GNAO1: variants seen among roughly 807,000 people sequenced by gnomAD.
GNAO1 encodes guanine nucleotide-binding protein G(o) subunit alpha.
For missense variants in GNAO1, 166 were observed against 478.7 expected (o/e 0.35, Z 6.10); for synonymous variants, 164 against 180.7 (o/e 0.91, Z 0.74).
chr16:56,347,896 T>G, intron 6 of GNAO1: 2 of 905,990 alleles, frequency 2.2e-6, no homozygotes, highest in Non-Finnish European at 2.6e-6. Flanking sequence ...ACCCATCCCC[T>G]GGCTCTGCCC....
intron 1 of GNAO1, 94 bp from the exon 2 acceptor site, chr16:56,192,480 A>G (rs1596787636): frequency 1.3e-6 from 1 of 798,320 alleles, no homozygotes; most frequent in East Asian, 3.2e-5. Flanking sequence ...TGTGCCCAGG[A>G]TCGCCCACCC....
chr16:56,286,043 G>A (rs1383713579), intron 3 of GNAO1, among the ~76,000 whole-genome samples: 2 of 152,228 alleles, frequency 1.3e-5, no homozygotes, highest in African/African-American at 4.8e-5. Context: ...TGAGGCAGCA[G>A]CACCACGTGG....
rs761449625 is a variant in GNAO1, at chr16:56,334,807, A to G, written c.543A>G (p.Lys181=). The G allele has an allele frequency of 3.1e-6, 5 of 1,613,910 alleles. No homozygotes were observed. The African/African-American group carries it at 6.7e-5, about 22-fold the overall frequency. The change falls in exon 5 of 9, where the codon AAA becomes AAG. Residue 181 remains lysine, a synonymous_variant. Coordinates refer to ENST00000262493, the MANE Select transcript of GNAO1 (RefSeq NM_020988.3). ...TEQDILRTRV[K]TTGIVETHFT... ...AGGACATCCTCCGAACCAGGGTCAAAACCACTGGCATCGTAGAAACCCACT... is the reference window on the plus strand; with the variant it reads ...AGGACATCCTCCGAACCAGGGTCAAGACCACTGGCATCGTAGAAACCCACT...
chr16:56,218,422 G>A (rs865978128), intron 2 of GNAO1, among the ~76,000 whole-genome samples: 2 of 152,162 alleles, frequency 1.3e-5, no homozygotes, highest in Admixed American at 1.3e-4. Flanking sequence ...TGGAGCACAC[G>A]TGCCCTGCTG....
chr16:56,354,248 G>A lies in GNAO1; in HGVS notation c.878-618G>A, dbSNP rs73545906. Among the ~76,000 whole-genome samples, 16 of 152,384 alleles carry A rather than the reference G, an allele frequency of 1.0e-4. No individual in the cohort carries two copies. The highest frequency in any genetic ancestry group is 3.8e-4 in the African/African-American group (16 of 41,600). The stretch of plus-strand genomic sequence containing the variant: ...AAAGCGTTCATCTGTGGCCACTGCT[G>A]TCCCAGGCGGGGCTTCCGGGTGGAT... On this transcript the variant is annotated intron_variant, in intron 7 of 8. Transcript: ENST00000262493. This position sits in a 1 kb window ranked among gnomAD's most constrained non-coding sequence, Gnocchi z 4.3.
chr16:56,241,484 A>G (rs1218977716), intron 2 of GNAO1, among the ~76,000 whole-genome samples: 2 of 152,162 alleles, frequency 1.3e-5, no homozygotes, highest in Non-Finnish European at 2.9e-5. Flanking sequence ...AAAGCTTGCC[A>G]ATCTTTTGAA....
At chr16:56,334,935 C>T (rs2037726319) in intron 5 of GNAO1, 78 bp downstream of exon 5, 2 of 1,495,726 alleles carry the variant, frequency 1.3e-6, no homozygotes, top group South Asian at 1.2e-5. Flanking sequence ...ATTGCGTTTA[C>T]AGCGCCCAAA....
At position 56,345,790 on chromosome 16, in the gene GNAO1, G is replaced by A. The variant is rs557594211; in HGVS notation, c.724-5594G>A. ...GGCAGTTATTTCTCAGCAGCACCAC[G>A]CTGGGTGAGGCCAGTTGTTCCGCTT... On this transcript the variant is annotated intron_variant, in intron 6 of 8. Transcript: ENST00000262493. 3.7e-5 allele frequency: 36 copies of A among 985,562 alleles called. No individual in the cohort carries two copies. In the Admixed American group the frequency reaches 4.3e-4, roughly 12 times the overall value. 61.1% of individuals were successfully genotyped at this position (985,562 alleles called of 1,614,324 possible).
chr16:56,328,273 G>T (rs890086357), intron 3 of GNAO1, among the ~76,000 whole-genome samples: 5 of 152,194 alleles, frequency 3.3e-5, no homozygotes, highest in Non-Finnish European at 1.5e-5. Flanking sequence ...TGGTTGAGTT[G>T]GAGGGTGGAG....
intron 2 of GNAO1, among the ~76,000 whole-genome samples, chr16:56,195,682 A>G (rs551636885): frequency 5.3e-5 from 8 of 152,252 alleles, no homozygotes; most frequent in Middle Eastern, 3.2e-3. Flanking sequence ...TCTTTAGGTT[A>G]CACCCTGTGA....
intron 2 of GNAO1, among the ~76,000 whole-genome samples, chr16:56,230,637 ACATAGCTAAGGGCCC>A (rs1326633549): frequency 6.6e-6 from 1 of 152,066 alleles, no homozygotes; most frequent in African/African-American, 2.4e-5. Flanking sequence ...CTTTGATGTC[ACATAGCTAAGGGCCC>A]CTTTTCTGGT....
chr16:56,296,232 G>T (rs1252343958), intron 3 of GNAO1, among the ~76,000 whole-genome samples: 1 of 152,110 alleles, frequency 6.6e-6, no homozygotes, highest in Admixed American at 6.5e-5. Context: ...GCTCTCTTGG[G>T]GTGGGGGCAG....
At chr16:56,310,169 AAAG>A (rs1384128839) in intron 3 of GNAO1, among the ~76,000 whole-genome samples, 2 of 152,092 alleles carry the variant, frequency 1.3e-5, no homozygotes, top group African/African-American at 4.8e-5. Flanking sequence ...AAGAAAAAAA[AAAG>A]AAAAAATCAG....
chr16:56,355,278 A>T, intron 8 of GNAO1, 197 bp downstream of exon 8: 1 of 166,528 alleles, frequency 6.0e-6, no homozygotes, highest in East Asian at 1.6e-4. Flanking sequence ...AGAGCTGCGG[A>T]CAGAACTGAC....
At chr16:56,352,649 C>A (rs549825255) in intron 7 of GNAO1, 1 of 152,316 alleles carries the variant, frequency 6.6e-6, no homozygotes, top group African/African-American at 2.4e-5. Context: ...CAGCATAGGT[C>A]GATGCTGGTC....
intron 6 of GNAO1, chr16:56,344,835 C>A: frequency 1.0e-6 from 1 of 985,462 alleles, no homozygotes; most frequent in Non-Finnish European, 1.2e-6. Flanking sequence ...CTGAATTCAA[C>A]TCAAACCAGC....
chr16:56,195,072 TCC>T (rs2036219514), intron 2 of GNAO1, among the ~76,000 whole-genome samples: 1 of 106,186 alleles, frequency 9.4e-6, no homozygotes, highest in Admixed American at 1.0e-4. Flanking sequence ...CCTTTACTTC[TCC>T]TTTTTTTTTT....
intron 2 of GNAO1, among the ~76,000 whole-genome samples, chr16:56,255,981 A>G (rs372303249): frequency 6.6e-6 from 1 of 152,188 alleles, no homozygotes; most frequent in African/African-American, 2.4e-5. Flanking sequence ...TGTAGGGCTC[A>G]TGTGATGTTC....
intron 3 of GNAO1, among the ~76,000 whole-genome samples, chr16:56,327,084 C>T (rs1444901516): frequency 1.3e-5 from 2 of 152,146 alleles, no homozygotes; most frequent in Non-Finnish European, 2.9e-5. Context: ...AATACTACAG[C>T]AACTGCTGTA....
Sources: allele counts gnomAD v4.1 joint callset (sites outside exome capture counted in the v4.1 genomes callset), GRCh38; gene constraint gnomAD v4.1.1; non-coding constraint Gnocchi (gnomAD v3.1); transcripts MANE v1.5; gene names NCBI Gene and HGNC (gene_info 2026-07-23, HGNC 2026-07-21).